The following MAPK10 variants were observed in gnomAD, a reference collection of about 807,000 sequenced individuals.
MAPK10 encodes JNK3 alpha protein kinase.
MAPK10 carries 25 observed loss-of-function variants against 59.3 expected under a neutral mutation model. That is an observed-to-expected ratio of 0.42 (90% CI 0.31 to 0.59). The LOEUF (loss-of-function observed/expected upper bound fraction) is 0.59. Among genes scored for constraint, MAPK10 ranks in the 20% least tolerant of loss-of-function variants. MAPK10 has a pLI of 0.15. For missense variants in MAPK10, 351 were observed against 568.9 expected (o/e 0.62, Z 3.90); for synonymous variants, 190 against 200.5 (o/e 0.95, Z 0.44).
At chr4:86,091,890 T>C (rs2053270662) in intron 9 of MAPK10, among the ~76,000 whole-genome samples, 1 of 152,030 alleles carries the variant, frequency 6.6e-6, no homozygotes, top group South Asian at 2.1e-4. Flanking sequence ...GCCAGGATGG[T>C]CTTGATCTCC....
intron 1 of MAPK10, among the ~76,000 whole-genome samples, chr4:86,543,992 A>AAT (rs1758941181): frequency 6.6e-6 from 1 of 152,242 alleles, no homozygotes; most frequent in Non-Finnish European, 1.5e-5. Flanking sequence ...ATGTCATTTA[A>AAT]ACTAAGACTG....
At chr4:86,216,297 T>TATATATATATATATATATAGC (rs767282072) in intron 2 of MAPK10, among the ~76,000 whole-genome samples, 57 of 84,998 alleles carry the variant, frequency 6.7e-4, no homozygotes, top group African/African-American at 2.6e-3. Context: ...ATATATAGCA[T>TATATATATATATATATATAGC]ATATATATAT....
chr4:86,298,720 T>C (rs2095414792), intron 2 of MAPK10, among the ~76,000 whole-genome samples: 1 of 152,244 alleles, frequency 6.6e-6, no homozygotes, highest in Non-Finnish European at 1.5e-5. Flanking sequence ...TATTTGCTCC[T>C]GAATTCTTGG....
intron 4 of MAPK10, among the ~76,000 whole-genome samples, chr4:86,135,683 T>A (rs993580100): frequency 6.6e-6 from 1 of 152,092 alleles, no homozygotes; most frequent in Admixed American, 6.5e-5. Context: ...CAAAGCTGGA[T>A]GGAGAATGAC....
intron 1 of MAPK10, among the ~76,000 whole-genome samples, chr4:86,503,175 T>A (rs1755455773): frequency 6.6e-6 from 1 of 152,124 alleles, no homozygotes; most frequent in African/African-American, 2.4e-5. Context: ...ATGTTCTGAA[T>A]TCTGTTAATG....
chr4:86,435,267 C>T (rs937830854), intron 1 of MAPK10, among the ~76,000 whole-genome samples: 7 of 151,996 alleles, frequency 4.6e-5, no homozygotes, highest in African/African-American at 7.3e-5. Flanking sequence ...GAGGCTGAGG[C>T]GGGCGGATTA....
chr4:86,516,518 G>C (rs1430932991), intron 1 of MAPK10, among the ~76,000 whole-genome samples: 2 of 152,274 alleles, frequency 1.3e-5, no homozygotes. Context: ...CAGTGAGCAT[G>C]GAATGTGTTT....
intron 2 of MAPK10, among the ~76,000 whole-genome samples, chr4:86,200,047 AC>A (rs2082267030): frequency 6.6e-6 from 1 of 152,092 alleles, no homozygotes; most frequent in African/African-American, 2.4e-5. Flanking sequence ...TAAGTAAAAA[AC>A]AAAACAAAAG....
chr4:86,103,555 G>A (rs1236240598), intron 5 of MAPK10, among the ~76,000 whole-genome samples: 5 of 152,008 alleles, frequency 3.3e-5, no homozygotes, highest in African/African-American at 1.2e-4. Context: ...GCCTTCGGGG[G>A]ATTAAACAAA....
At chr4:86,212,612 C>A (rs2086154914) in intron 2 of MAPK10, among the ~76,000 whole-genome samples, 1 of 151,806 alleles carries the variant, frequency 6.6e-6, no homozygotes, top group Non-Finnish European at 1.5e-5. Context: ...AACTTTAAAT[C>A]AAAAAAAGTT....
intron 3 of MAPK10, among the ~76,000 whole-genome samples, chr4:86,162,899 G>A (rs762844593): frequency 1.3e-4 from 20 of 152,032 alleles, no homozygotes; most frequent in Non-Finnish European, 2.4e-4. Flanking sequence ...TGGAGAAACA[G>A]GGCTTGATAA....
chr4:86,123,326 C>T (rs1231611732), intron 4 of MAPK10, among the ~76,000 whole-genome samples: 4 of 151,892 alleles, frequency 2.6e-5, no homozygotes, highest in Admixed American at 2.6e-4. Context: ...GATTTCTTTT[C>T]TTGGCTATTG....
chr4:86,305,726 G>A (rs1252213698), intron 2 of MAPK10, among the ~76,000 whole-genome samples: 1 of 151,704 alleles, frequency 6.6e-6, no homozygotes, highest in Non-Finnish European at 1.5e-5. Flanking sequence ...GGCTGAGGCA[G>A]GAGAATCACT....
chr4:86,372,564 G>GAAAGAAAAAGAAAAGA (rs1554253766), intron 1 of MAPK10, among the ~76,000 whole-genome samples: 21 of 78,714 alleles, frequency 2.7e-4, no homozygotes, highest in African/African-American at 4.0e-4. Context: ...AAGAAAGAAA[G>GAAAGAAAAAGAAAAGA]AAAGAAAAGA....
At chr4:86,437,782 T>C (rs1270405487) in intron 1 of MAPK10, among the ~76,000 whole-genome samples, 1 of 152,186 alleles carries the variant, frequency 6.6e-6, no homozygotes, top group Non-Finnish European at 1.5e-5. Flanking sequence ...CCAGAAGACA[T>C]GTTCAAATAT....
At chr4:86,299,723 T>C (rs2095433314) in intron 2 of MAPK10, among the ~76,000 whole-genome samples, 1 of 152,190 alleles carries the variant, frequency 6.6e-6, no homozygotes, top group African/African-American at 2.4e-5. Flanking sequence ...TAGAAATTAC[T>C]ATATTATGCT....
intron 9 of MAPK10, 114 bp downstream of exon 9, chr4:86,098,410 A>C: frequency 6.7e-7 from 1 of 1,503,038 alleles, no homozygotes; most frequent in Non-Finnish European, 9.0e-7. Context: ...TATTACAATA[A>C]CACCACTTAC....
intron 2 of MAPK10, among the ~76,000 whole-genome samples, chr4:86,345,749 G>A (rs749148782): frequency 4.6e-5 from 7 of 152,210 alleles, no homozygotes; most frequent in African/African-American, 7.2e-5. Flanking sequence ...AAAACACCCC[G>A]CTCTAGACAA....
At chr4:86,565,314 A>G (rs1408174730) in intron 1 of MAPK10, among the ~76,000 whole-genome samples, 4 of 152,210 alleles carry the variant, frequency 2.6e-5, no homozygotes, top group African/African-American at 7.2e-5. Context: ...ATGAACTAAA[A>G]GTTTCCAATT....
Sources: allele counts gnomAD v4.1 joint callset (sites outside exome capture counted in the v4.1 genomes callset), GRCh38; gene constraint gnomAD v4.1.1; transcripts MANE v1.5; gene names NCBI Gene and HGNC (gene_info 2026-07-23, HGNC 2026-07-21).